The following KCTD7 variants were observed in gnomAD, a reference collection of about 807,000 sequenced individuals.
The protein encoded by KCTD7 is BTB/POZ domain-containing protein KCTD7.
In KCTD7, 15 loss-of-function variants were observed where a neutral mutation model predicts 27.0. The ratio of observed to expected loss-of-function variants is 0.56; its 90% CI spans 0.37 to 0.86. KCTD7 has a LOEUF of 0.86. KCTD7 is among the 40% of genes least tolerant of loss of function. The pLI, the probability that KCTD7 is intolerant of heterozygous loss-of-function variation, is 0.00. For missense variants in KCTD7, 299 were observed against 398.9 expected (o/e 0.75, Z 2.13); for synonymous variants, 159 against 162.7 (o/e 0.98, Z 0.17).
chr7:66,632,411 C>G (rs1190946833), intron 1 of KCTD7, among the ~76,000 whole-genome samples: 2 of 148,390 alleles, frequency 1.3e-5, no homozygotes, highest in East Asian at 4.1e-4. Flanking sequence ...GGTGTGAACC[C>G]GAGAGGCGGA....
At position 66,635,415 on chromosome 7, in the gene KCTD7, G is replaced by A. The variant is rs374407103; in HGVS notation, c.314+1971G>A. On this transcript the variant is annotated intron_variant, in intron 2 of 3. Transcript: ENST00000639828. ...AACAATTTAAAGACTTTATGTCTCAGGGGTTCCATGTTTGTGAAATGAGAA... is the reference window on the plus strand; with the variant it reads ...AACAATTTAAAGACTTTATGTCTCAAGGGTTCCATGTTTGTGAAATGAGAA... Among the ~76,000 whole-genome samples the A allele has an allele frequency of 3.3e-5, 5 of 152,308 alleles. No homozygotes were observed. The East Asian group carries it at 9.6e-4, about 29-fold the overall frequency.
intron 1 of KCTD7, 108 bp downstream of exon 1, chr7:66,629,316 G>A: frequency 1.2e-6 from 1 of 835,080 alleles, no homozygotes; most frequent in Non-Finnish European, 1.5e-6. Context: ...GTTGGGGGCG[G>A]GGCCCGCGGA....
intron 2 of KCTD7, among the ~76,000 whole-genome samples, chr7:66,634,113 C>CATATATATATATATAT (rs3069693): frequency 0.011 from 1,486 of 132,102 alleles, 43 homozygotes; most frequent in African/African-American, 0.039. Flanking sequence ...TGTGTGTATA[C>CATATATATATATATAT]ATATATATAT....
Position 66,641,848 on chromosome 7 carries a change from C to T in KCTD7, c.*2616C>T. 1.0e-6 allele frequency: 1 copy of T among 985,408 alleles called. No individual in the cohort carries two copies. 61.0% of individuals were successfully genotyped at this position (985,408 alleles called of 1,614,324 possible). ...TTATCCCTGTGGAAGTGACTTTTCC[C>T]CATTTGATCCCTTTTCAACTCTAAA... On this transcript the variant is annotated 3_prime_UTR_variant, in exon 4 of 4. Transcript: ENST00000639828.
At chr7:66,629,885 A>T (rs567586632) in intron 1 of KCTD7, among the ~76,000 whole-genome samples, 12 of 152,262 alleles carry the variant, frequency 7.9e-5, no homozygotes, top group African/African-American at 2.9e-4. Flanking sequence ...GCTTTCACTC[A>T]CAGGCTGCTG....
At chr7:66,633,478 C>T (rs1786503763) in intron 2 of KCTD7, 34 bp downstream of exon 2, 1 of 1,604,738 alleles carries the variant, frequency 6.2e-7, no homozygotes, top group Non-Finnish European at 8.5e-7. Flanking sequence ...ACTTTGTAGT[C>T]CTAGCAGGTG....
intron 1 of KCTD7, among the ~76,000 whole-genome samples, chr7:66,630,842 C>T (rs1442012095): frequency 6.6e-6 from 1 of 152,164 alleles, no homozygotes; most frequent in Non-Finnish European, 1.5e-5. Flanking sequence ...CATGTGAGCT[C>T]CAAAACTGTT....
rs150889525 is a variant in KCTD7, at chr7:66,633,098, G to A, written c.145-177G>A. Among the ~76,000 whole-genome samples, 8 of 152,118 alleles carry A rather than the reference G, an allele frequency of 5.3e-5. No individual in the cohort carries two copies. The East Asian group carries it at 1.4e-3, about 26-fold the overall frequency. The stretch of plus-strand genomic sequence containing the variant: ...TGAGGGTTAGAATGGGTAGGACTTG[G>A]CAGATGATGAGGGTGGGGCAGAGGG... On this transcript the variant is annotated intron_variant, in intron 1 of 3. Transcript: ENST00000639828.
chr7:66,632,835 A>C (rs994776747), intron 1 of KCTD7, among the ~76,000 whole-genome samples: 1 of 151,958 alleles, frequency 6.6e-6, no homozygotes, highest in African/African-American at 2.4e-5. Context: ...TGAGGTCAGG[A>C]GATCGAGACC....
intron 1 of KCTD7, among the ~76,000 whole-genome samples, chr7:66,631,927 G>A (rs1261001388): frequency 2.0e-5 from 3 of 152,160 alleles, no homozygotes; most frequent in South Asian, 2.1e-4. Context: ...TGACCAAGAT[G>A]CTTTCCCTGT....
At chr7:66,634,324 A>C (rs1786536172) in intron 2 of KCTD7, among the ~76,000 whole-genome samples, 1 of 151,450 alleles carries the variant, frequency 6.6e-6, no homozygotes, top group African/African-American at 2.4e-5. Context: ...AAATGCTGGT[A>C]TTACAGTATT....
At position 66,639,002 on chromosome 7, in the gene KCTD7, C is replaced by T. The variant is rs755711171; in HGVS notation, c.640C>T (p.Arg214Trp). 16 of 1,614,140 alleles carry T rather than the reference C, an allele frequency of 9.9e-6. No individual in the cohort carries two copies. Among genetic ancestry groups the T allele is most frequent in the Non-Finnish European group, 1.4e-5 (16 of 1,180,014 alleles). The change falls in exon 4 of 4, where the codon CGG becomes TGG. Residue 214 changes from arginine to tryptophan, a missense_variant. Coordinates refer to ENST00000639828, the MANE Select transcript of KCTD7 (RefSeq NM_153033.5). ...CPLLNSLRFERSESDGQLFEH... is the reference protein window; with the variant it reads ...CPLLNSLRFEWSESDGQLFEH... Reference sequence around the variant, plus strand: ...GCTCCTCAACTCCCTGCGATTTGAGCGGAGTGAGAGTGACGGGCAGCTTTT... The same window carrying T: ...GCTCCTCAACTCCCTGCGATTTGAGTGGAGTGAGAGTGACGGGCAGCTTTT...
intron 2 of KCTD7, among the ~76,000 whole-genome samples, chr7:66,636,663 T>C (rs2707843): frequency 0.1 from 15,656 of 152,010 alleles, 978 homozygotes; most frequent in South Asian, 0.2. Context: ...GTCCCAGTTA[T>C]TCGGGAGGCT....
intron 3 of KCTD7, 115 bp from the exon 4 acceptor site, chr7:66,638,740 GA>G: frequency 7.5e-7 from 1 of 1,330,978 alleles, no homozygotes; most frequent in Non-Finnish European, 1.0e-6. Context: ...CCTTCCCCGG[GA>G]AATCTGTCTT....
intron 1 of KCTD7, among the ~76,000 whole-genome samples, chr7:66,630,191 C>T (rs1300205916): frequency 1.3e-5 from 2 of 152,112 alleles, no homozygotes; most frequent in African/African-American, 4.8e-5. Flanking sequence ...TGCTTGAGCC[C>T]TGGAGGTTGA....
chr7:66,637,692 T>C (rs893791003), intron 2 of KCTD7, among the ~76,000 whole-genome samples: 19 of 152,308 alleles, frequency 1.2e-4, no homozygotes, highest in African/African-American at 4.3e-4. Flanking sequence ...AACTCATCTT[T>C]ACTGATGGAA....
At position 66,641,909 on chromosome 7, in the gene KCTD7, G is replaced by C; in HGVS notation, c.*2677G>C. 2 of 985,442 alleles carry C rather than the reference G, an allele frequency of 2.0e-6. No individual in the cohort carries two copies. Among genetic ancestry groups the C allele is most frequent in the Non-Finnish European group, 2.4e-6 (2 of 829,934 alleles). 61.0% of individuals were successfully genotyped at this position (985,442 alleles called of 1,614,324 possible). Reference sequence around the variant, plus strand: ...CAGAACAGAAGAAGGGTTGGGTCTGGAAGGAAGGCTCCAAAGGATGAAAGC... The same window carrying C: ...CAGAACAGAAGAAGGGTTGGGTCTGCAAGGAAGGCTCCAAAGGATGAAAGC... On this transcript the variant is annotated 3_prime_UTR_variant, in exon 4 of 4. Coordinates refer to ENST00000639828, the MANE Select transcript of KCTD7 (RefSeq NM_153033.5).
In KCTD7 at chr7:66,639,604, G is replaced by A; in HGVS notation, c.*372G>A. 7.4e-7 allele frequency: 1 copy of A among 1,350,634 alleles called. No homozygotes were observed. Among genetic ancestry groups the A allele is most frequent in the Non-Finnish European group, 9.5e-7 (1 of 1,047,506 alleles). 83.7% of individuals were successfully genotyped at this position (1,350,634 alleles called of 1,614,324 possible). A position where few individuals can be genotyped will look rare whatever the true frequency, so the allele number is the denominator to read the frequency against. ...AGAGCCACGTTACCAAATCGATGTA[G>A]GCCTAATCACTTCCTCAACCCTGTT... On this transcript the variant is annotated 3_prime_UTR_variant, in exon 4 of 4. Coordinates refer to ENST00000639828, the MANE Select transcript of KCTD7 (RefSeq NM_153033.5).
Position 66,639,049 on chromosome 7 carries a change from T to C in KCTD7, c.687T>C (p.Asp229=), listed in dbSNP as rs372150992. 3.2e-4 allele frequency: 521 copies of C among 1,613,958 alleles called. No individual in the cohort carries two copies. Among genetic ancestry groups the C allele is most frequent in the Non-Finnish European group, 4.2e-4 (492 of 1,179,998 alleles). The change falls in exon 4 of 4, where the codon GAT becomes GAC. Residue 229 remains aspartate, a synonymous_variant. Coordinates refer to ENST00000639828, the MANE Select transcript of KCTD7 (RefSeq NM_153033.5). ...GQLFEHHCEV[D]VSFGPWEAVA... ...TTTTTGAGCACCACTGTGAAGTGGATGTGTCTTTTGGGCCCTGGGAGGCTG... is the reference window on the plus strand; with the variant it reads ...TTTTTGAGCACCACTGTGAAGTGGACGTGTCTTTTGGGCCCTGGGAGGCTG...
Sources: gnomAD v4.1 joint callset for allele counts (sites outside exome capture counted in the v4.1 genomes callset) on GRCh38, gnomAD v4.1.1 for gene constraint, MANE v1.5 for transcripts, NCBI Gene and HGNC (gene_info 2026-07-23, HGNC 2026-07-21) for gene names.